HS6ST3: variants seen among roughly 807,000 people sequenced by gnomAD.
The protein encoded by HS6ST3 is heparan-sulfate 6-O-sulfotransferase 3.
HS6ST3 carries 12 observed loss-of-function variants against 36.7 expected under a neutral mutation model. The observed-to-expected ratio is 0.33, with a 90% CI of 0.21 to 0.53. The LOEUF (loss-of-function observed/expected upper bound fraction) is 0.53. HS6ST3 is among the 20% of genes least tolerant of loss of function. The pLI, the probability that HS6ST3 is intolerant of heterozygous loss-of-function variation, is 0.95. For missense variants in HS6ST3, 584 were observed against 640.9 expected (o/e 0.91, Z 0.96); for synonymous variants, 240 against 257.5 (o/e 0.93, Z 0.65).
intron 1 of HS6ST3, among the ~76,000 whole-genome samples, chr13:96,694,362 G>T (rs149785046): frequency 1.3e-5 from 2 of 152,222 alleles, no homozygotes; most frequent in East Asian, 3.9e-4. Flanking sequence ...TTTTATAGCG[G>T]CATAGTATTC....
At chr13:96,121,749 T>G (rs948777221) in intron 1 of HS6ST3, among the ~76,000 whole-genome samples, 1 of 152,202 alleles carries the variant, frequency 6.6e-6, no homozygotes, top group Non-Finnish European at 1.5e-5. Context: ...GTTTTCCAGC[T>G]GGGGGACTCC....
intron 1 of HS6ST3, among the ~76,000 whole-genome samples, chr13:96,743,894 C>A (rs1876501590): frequency 6.6e-6 from 1 of 151,884 alleles, no homozygotes; most frequent in Non-Finnish European, 1.5e-5. Context: ...TTTTTGACTC[C>A]CCTTTCTTTT....
intron 1 of HS6ST3, among the ~76,000 whole-genome samples, chr13:96,496,685 G>C (rs2055978599): frequency 6.6e-6 from 1 of 152,298 alleles, no homozygotes; most frequent in Non-Finnish European, 1.5e-5. Flanking sequence ...ATGTGGAGGA[G>C]AAAATGCACA....
rs552571984 is a variant in HS6ST3, at chr13:96,795,396, T to A, written c.708-37094T>A. On this transcript the variant is annotated intron_variant, in intron 1 of 1. Coordinates refer to ENST00000376705, the MANE Select transcript of HS6ST3 (RefSeq NM_153456.4). ...GACAAGTCTCTGAGTTTAACATGAT[T>A]ATTTTCATCATATGGATGAGAGGAC... 2.6e-4 allele frequency among the ~76,000 whole-genome samples: 39 copies of A among 152,184 alleles called. No individual in the cohort carries two copies. In the South Asian group the frequency reaches 5.8e-3, roughly 23 times the overall value.
chr13:96,658,276 T>TC (rs2056633483), intron 1 of HS6ST3, among the ~76,000 whole-genome samples: 1 of 25,312 alleles, frequency 4.0e-5, no homozygotes, highest in Non-Finnish European at 8.4e-5. Flanking sequence ...TTCTTTTTTT[T>TC]TTTTTTTTTT....
chr13:96,336,037 G>A (rs915522557), intron 1 of HS6ST3, among the ~76,000 whole-genome samples: 1 of 152,046 alleles, frequency 6.6e-6, no homozygotes, highest in African/African-American at 2.4e-5. Flanking sequence ...GCATCCCTAA[G>A]CATCTGTTAA....
intron 1 of HS6ST3, among the ~76,000 whole-genome samples, chr13:96,436,095 T>G (rs989933063): frequency 6.6e-6 from 1 of 152,232 alleles, no homozygotes; most frequent in Admixed American, 6.5e-5. Flanking sequence ...AATTGGAAGT[T>G]AGAATGCCCA....
intron 1 of HS6ST3, among the ~76,000 whole-genome samples, chr13:96,274,802 T>TA (rs1021957919): frequency 8.0e-5 from 12 of 150,396 alleles, no homozygotes; most frequent in East Asian, 5.9e-4. Flanking sequence ...AAGCTGACCA[T>TA]AAAATTCCAT....
chr13:96,405,181 G>A (rs1434773930), intron 1 of HS6ST3, among the ~76,000 whole-genome samples: 3 of 152,190 alleles, frequency 2.0e-5, no homozygotes, highest in African/African-American at 4.8e-5. Flanking sequence ...GGGATCACCA[G>A]AGTAGCCAAA....
chr13:96,393,766 C>T (rs531041279), intron 1 of HS6ST3, among the ~76,000 whole-genome samples: 1 of 152,236 alleles, frequency 6.6e-6, no homozygotes, highest in South Asian at 2.1e-4. Flanking sequence ...TGTTTAAAGA[C>T]AGCAAGAATA....
chr13:96,114,350 G>A (rs1242589520), intron 1 of HS6ST3, among the ~76,000 whole-genome samples: 2 of 152,076 alleles, frequency 1.3e-5, no homozygotes, highest in African/African-American at 4.8e-5. Flanking sequence ...GGATATCGCT[G>A]TGTTGCCCAG....
chr13:96,491,727 AT>A (rs1025497952), intron 1 of HS6ST3, among the ~76,000 whole-genome samples: 23 of 152,116 alleles, frequency 1.5e-4, no homozygotes, highest in African/African-American at 5.5e-4. Context: ...CCATATACAC[AT>A]GGCCTCTTCC....
At chr13:96,452,314 T>G (rs1259045782) in intron 1 of HS6ST3, among the ~76,000 whole-genome samples, 23 of 152,208 alleles carry the variant, frequency 1.5e-4, no homozygotes, top group Admixed American at 1.5e-3. Context: ...ATGACACCAC[T>G]GAGCAGCAGG....
rs553353409 is a variant in HS6ST3, at chr13:96,599,621, T to G, written c.708-232869T>G. On this transcript the variant is annotated intron_variant, in intron 1 of 1. Transcript: ENST00000376705. ...CATTGGTCCTTTGTATTTTTTTTGT[T>G]TCAATTTTGTTTACTGCTGGTCTCA... Among the ~76,000 whole-genome samples the G allele has an allele frequency of 3.9e-5, 6 of 152,150 alleles. No homozygotes were observed. In the South Asian group the frequency reaches 6.2e-4, roughly 16 times the overall value.
chr13:96,400,308 TACACACACACACAC>T (rs10603063), intron 1 of HS6ST3, among the ~76,000 whole-genome samples: 3 of 142,486 alleles, frequency 2.1e-5, no homozygotes, highest in African/African-American at 7.9e-5. Context: ...GACACACAGA[TACACACACACACAC>T]ACACACACAC....
chr13:96,420,874 G>T (rs887124377), intron 1 of HS6ST3, among the ~76,000 whole-genome samples: 1 of 152,196 alleles, frequency 6.6e-6, no homozygotes, highest in South Asian at 2.1e-4. Flanking sequence ...CTGAGTTCAC[G>T]TGGTTAGTGA....
At chr13:96,190,718 A>C (rs6492841) in intron 1 of HS6ST3, among the ~76,000 whole-genome samples, 1 of 152,180 alleles carries the variant, frequency 6.6e-6, no homozygotes, top group East Asian at 1.9e-4. Context: ...GTGAGAATAC[A>C]GGGAAATAAA....
chr13:96,277,558 C>T (rs969484629), intron 1 of HS6ST3, among the ~76,000 whole-genome samples: 1 of 152,034 alleles, frequency 6.6e-6, no homozygotes, highest in African/African-American at 2.4e-5. Context: ...ATATCCTTGT[C>T]AAAGGTTGAT....
intron 1 of HS6ST3, among the ~76,000 whole-genome samples, chr13:96,801,397 T>C (rs901186564): frequency 6.6e-6 from 1 of 152,152 alleles, no homozygotes; most frequent in African/African-American, 2.4e-5. Flanking sequence ...ACACAGATGC[T>C]GTCCAATATA....
Sources: allele counts gnomAD v4.1 joint callset (sites outside exome capture counted in the v4.1 genomes callset), GRCh38; gene constraint gnomAD v4.1.1; transcripts MANE v1.5; gene names NCBI Gene and HGNC (gene_info 2026-07-23, HGNC 2026-07-21).